Variants in WDPCP observed in about 807,000 individuals in gnomAD.
WDPCP encodes the protein WD repeat containing planar cell polarity effector.
A neutral mutation model predicts 93.1 loss-of-function variants in WDPCP; 71 were observed. The ratio of observed to expected loss-of-function variants is 0.76; its 90% confidence interval spans 0.63 to 0.93. The LOEUF (loss-of-function observed/expected upper bound fraction) is 0.93. WDPCP is among the 40% of genes least tolerant of loss of function. The pLI is 0.00. For synonymous variants in WDPCP, 315 were observed against 315.0 expected (o/e 1.00, Z 0.00); for missense variants, 844 against 887.4 (o/e 0.95, Z 0.62).
At chr2:63,166,301 G>A (rs567683790) in intron 15 of WDPCP, among the ~76,000 whole-genome samples, 3 of 152,150 alleles carry the variant, frequency 2.0e-5, no homozygotes, top group South Asian at 2.1e-4. Context: ...CCCTGACCTC[G>A]TGATTCGCCT....
intron 14 of WDPCP, among the ~76,000 whole-genome samples, chr2:63,252,891 C>G (rs898386896): frequency 6.6e-6 from 1 of 152,048 alleles, no homozygotes; most frequent in African/African-American, 2.4e-5. Context: ...GGTCATTTTT[C>G]ATAGAAATAG....
intron 14 of WDPCP, among the ~76,000 whole-genome samples, chr2:63,199,779 C>A (rs1316776980): frequency 6.6e-6 from 1 of 152,200 alleles, no homozygotes; most frequent in Non-Finnish European, 1.5e-5. Flanking sequence ...TGGGGCACTG[C>A]CTAGTGGAGC....
At chr2:63,217,353 A>T (rs1677443189) in intron 14 of WDPCP, among the ~76,000 whole-genome samples, 1 of 152,256 alleles carries the variant, frequency 6.6e-6, no homozygotes, top group African/African-American at 2.4e-5. Context: ...TGTGTGGCCC[A>T]CAAAACCTAA....
At chr2:63,369,387 C>T in intron 12 of WDPCP, 1 of 456,464 alleles carries the variant, frequency 2.2e-6, no homozygotes, top group Non-Finnish European at 4.4e-6. Flanking sequence ...CTGTCTTGAT[C>T]AGGAGTATGG....
At chr2:63,474,467 T>C (rs1699860272) in intron 6 of WDPCP, among the ~76,000 whole-genome samples, 1 of 152,142 alleles carries the variant, frequency 6.6e-6, no homozygotes, top group Admixed American at 6.6e-5. Flanking sequence ...CAATTGGCAA[T>C]TGTACACTCT....
chr2:63,710,596 A>G (rs997753967), intron 2 of WDPCP, among the ~76,000 whole-genome samples: 1 of 152,216 alleles, frequency 6.6e-6, no homozygotes, highest in Non-Finnish European at 1.5e-5. Context: ...TGTAACTAAG[A>G]AATAATAAGC....
At chr2:63,445,107 A>G (rs1697759785) in intron 6 of WDPCP, among the ~76,000 whole-genome samples, 1 of 152,164 alleles carries the variant, frequency 6.6e-6, no homozygotes, top group African/African-American at 2.4e-5. Context: ...TCATTAATTG[A>G]AACAAAACAT....
At chr2:63,441,681 T>C (rs1215192062) in intron 6 of WDPCP, 1 of 152,054 alleles carries the variant, frequency 6.6e-6, no homozygotes, top group East Asian at 1.9e-4. Flanking sequence ...TCATATGACA[T>C]GGATGTTCCT....
intron 10 of WDPCP, among the ~76,000 whole-genome samples, chr2:63,397,879 A>T (rs988610300): frequency 4.6e-5 from 7 of 152,182 alleles, no homozygotes; most frequent in Non-Finnish European, 8.8e-5. Context: ...AGGAAGGTGA[A>T]TATTAGATCA....
chr2:63,349,078 T>C (rs536988558), intron 12 of WDPCP, among the ~76,000 whole-genome samples: 1 of 152,306 alleles, frequency 6.6e-6, no homozygotes, highest in South Asian at 2.1e-4. Context: ...GTGTTTAGTA[T>C]AGGGATGAAA....
intron 11 of WDPCP, among the ~76,000 whole-genome samples, chr2:63,379,066 T>C (rs1182479018): frequency 6.6e-6 from 1 of 152,068 alleles, no homozygotes; most frequent in African/African-American, 2.4e-5. Flanking sequence ...TTTATCCAAG[T>C]GTGAAAACTA....
intron 12 of WDPCP, among the ~76,000 whole-genome samples, chr2:63,327,545 C>A (rs1687650412): frequency 1.3e-5 from 2 of 152,168 alleles, no homozygotes; most frequent in South Asian, 4.1e-4. Flanking sequence ...GAGGCCTAGA[C>A]TTCCTCACTG....
chr2:63,439,103 G>A (rs981633361), intron 7 of WDPCP, among the ~76,000 whole-genome samples: 3 of 152,014 alleles, frequency 2.0e-5, no homozygotes, highest in Non-Finnish European at 4.4e-5. Flanking sequence ...TTATACAATT[G>A]TTTTCTTGTA....
intron 6 of WDPCP, among the ~76,000 whole-genome samples, chr2:63,455,216 CAAAG>C (rs1698535670): frequency 6.6e-6 from 1 of 151,634 alleles, no homozygotes; most frequent in Non-Finnish European, 1.5e-5. Flanking sequence ...AGGAAAAAAA[CAAAG>C]GAACAAAGAC....
chr2:63,434,879 G>C (rs1248189774), intron 8 of WDPCP, among the ~76,000 whole-genome samples: 1 of 152,030 alleles, frequency 6.6e-6, no homozygotes, highest in Non-Finnish European at 1.5e-5. Context: ...AGAGTGCAAC[G>C]GGTGTTAAGA....
At chr2:63,320,298 G>A (rs993280398) in intron 12 of WDPCP, among the ~76,000 whole-genome samples, 1 of 152,084 alleles carries the variant, frequency 6.6e-6, no homozygotes, top group Non-Finnish European at 1.5e-5. Flanking sequence ...TTTATCACAA[G>A]TAGAACTACA....
rs967530397 is a variant in WDPCP at position 63,233,826 on chromosome 2, C to T, written c.1915+25481G>A. On this transcript the variant is annotated intron_variant, in intron 14 of 17. Coordinates refer to ENST00000272321, the MANE Select transcript of WDPCP (RefSeq NM_015910.7). Reference sequence around the variant, plus strand: ...GCCACAGACATTAATGATGCCCTCACTTAGGGGTATGAGGTTGATCTGGTG... The same window carrying T: ...GCCACAGACATTAATGATGCCCTCATTTAGGGGTATGAGGTTGATCTGGTG... Among the ~76,000 whole-genome samples the T allele has an allele frequency of 3.3e-5, 5 of 152,162 alleles. No homozygotes were observed. The South Asian group carries it at 1.0e-3, about 32-fold the overall frequency.
chr2:63,125,059 A>G (rs1270245936), intron 17 of WDPCP, among the ~76,000 whole-genome samples: 1 of 152,194 alleles, frequency 6.6e-6, no homozygotes, highest in East Asian at 1.9e-4. Flanking sequence ...TTCAAGTTTC[A>G]CTACTGAACA....
intron 2 of WDPCP, among the ~76,000 whole-genome samples, chr2:63,667,487 T>C (rs564731597): frequency 3.9e-5 from 6 of 152,370 alleles, no homozygotes; most frequent in African/African-American, 1.2e-4. Context: ...GGTTGTTTTG[T>C]TGTTGCCAGT....
Sources: allele counts gnomAD v4.1 joint callset (sites outside exome capture counted in the v4.1 genomes callset), GRCh38; gene constraint gnomAD v4.1.1; transcripts MANE v1.5; gene names NCBI Gene and HGNC (gene_info 2026-07-23, HGNC 2026-07-21).